Variants in ANLN observed in about 807,000 individuals in gnomAD.
ANLN encodes anillin, actin binding protein.
In ANLN, 59 loss-of-function variants were observed where a neutral mutation model predicts 135.1. The ratio of observed to expected loss-of-function variants is 0.44; its 90% CI spans 0.35 to 0.54. The LOEUF (loss-of-function observed/expected upper bound fraction) is 0.54, where lower values mean the gene tolerates loss of function less well. Among genes scored for constraint, ANLN ranks in the 20% least tolerant of loss-of-function variants. ANLN has a pLI of 0.00. For missense variants in ANLN, 1,182 were observed against 1,340.0 expected (o/e 0.88, Z 1.84); for synonymous variants, 406 against 456.4 (o/e 0.89, Z 1.41).
intron 2 of ANLN, 106 bp from the exon 3 acceptor site, chr7:36,398,973 G>C (rs1786819573): frequency 1.2e-6 from 1 of 850,092 alleles, no homozygotes; most frequent in African/African-American, 1.7e-5. Context: ...TCATTTAAAA[G>C]AATAGGGAGG....
In ANLN at chr7:36,399,280, G is replaced by A. The variant is rs780371833; in HGVS notation, c.374G>A (p.Gly125Asp). ...DSVAVPASLL[G>D]MRRGLNSRLE... ...GTTGCTGTCCCGGCATCACTGCTGG[G>A]CATGAGGAGAGGGCTGAACTCAAGA... The change falls in exon 3 of 24, where the codon GGC (glycine) becomes GAC (aspartate). Residue 125 changes from glycine (G) to aspartate (D), a missense_variant. Around this residue, in one of 3 missense-constraint regions of ANLN, gnomAD observed 1,022 missense variants for 1,134.0 expected, o/e 0.90. Transcript: ENST00000265748. 1.2e-6 allele frequency: 2 copies of A among 1,614,158 alleles called. No homozygotes were observed. Among genetic ancestry groups the A allele is most frequent in the South Asian group, 1.1e-5 (1 of 91,082 alleles).
chr7:36,423,552 A>G (rs997358948), intron 14 of ANLN, among the ~76,000 whole-genome samples: 4 of 152,164 alleles, frequency 2.6e-5, no homozygotes, highest in African/African-American at 9.7e-5. Context: ...TAAAATTCAA[A>G]ATCAGCAGAA....
At chr7:36,437,644 C>T (rs1477714358) in intron 20 of ANLN, among the ~76,000 whole-genome samples, 1 of 151,874 alleles carries the variant, frequency 6.6e-6, no homozygotes, top group African/African-American at 2.4e-5. Context: ...CTGGTGAAGT[C>T]TAATTTATCT....
chr7:36,396,545 G>C, intron 2 of ANLN, 126 bp downstream of exon 2: 1 of 857,968 alleles, frequency 1.2e-6, no homozygotes, highest in Non-Finnish European at 1.7e-6. Context: ...CAGCCTCTGG[G>C]GGAAATAACA....
chr7:36,440,621 G>T (rs756045062), intron 21 of ANLN, among the ~76,000 whole-genome samples: 19 of 152,152 alleles, frequency 1.2e-4, no homozygotes, highest in Non-Finnish European at 2.2e-4. Flanking sequence ...TAGATGGGTA[G>T]CTTCTAATAG....
intron 1 of ANLN, chr7:36,390,428 G>A (rs1786393400): frequency 3.9e-6 from 1 of 254,248 alleles, no homozygotes. Flanking sequence ...GTCCGGGGCC[G>A]GTGACTCAGT....
At position 36,415,759 on chromosome 7, in the gene ANLN, A is replaced by C. The variant is rs1787612214; in HGVS notation, c.1397A>C (p.Glu466Ala). The change falls in exon 8 of 24, where the codon GAA becomes GCA. Residue 466 changes from glutamate (E) to alanine (A), a missense_variant and splice_region_variant. By Grantham distance (107) the Glu-to-Ala change is moderately radical. Around this residue, in one of 3 missense-constraint regions of ANLN, gnomAD observed 1,022 missense variants for 1,134.0 expected, o/e 0.90. Transcript: ENST00000265748. ...TTACTTTTCATTCGCTTTTTGCAGG[A>C]AACTCACTGTCAGAGCACTCCCCTC... ...SKSKQLETKQ[E>A]THCQSTPLKK... The C allele has an allele frequency of 6.3e-7, 1 of 1,575,528 alleles. No homozygotes were observed. The highest frequency in any genetic ancestry group is 1.4e-5 in the African/African-American group (1 of 72,610).
intron 12 of ANLN, among the ~76,000 whole-genome samples, chr7:36,421,183 T>C (rs942459045): frequency 3.9e-5 from 6 of 151,954 alleles, no homozygotes; most frequent in African/African-American, 1.5e-4. Flanking sequence ...TTCTCCTGCC[T>C]CAGCCTCCCA....
intron 20 of ANLN, among the ~76,000 whole-genome samples, chr7:36,432,999 A>AG (rs1253180504): frequency 1.3e-5 from 2 of 152,094 alleles, no homozygotes; most frequent in Non-Finnish European, 2.9e-5. Context: ...TTCTTTTTTA[A>AG]GAGATGGGGT....
chr7:36,432,637 C>T (rs1053637567), intron 20 of ANLN, among the ~76,000 whole-genome samples: 2 of 152,164 alleles, frequency 1.3e-5, no homozygotes, highest in African/African-American at 4.8e-5. Context: ...TCGTAGTCTA[C>T]CATTTTGTTA....
chr7:36,444,096 C>A (rs1483573471), intron 22 of ANLN, among the ~76,000 whole-genome samples: 1 of 152,138 alleles, frequency 6.6e-6, no homozygotes, highest in African/African-American at 2.4e-5. Context: ...TCGAGACCAG[C>A]CTGGCCAACA....
intron 21 of ANLN, among the ~76,000 whole-genome samples, chr7:36,442,594 C>T (rs1788817784): frequency 6.6e-6 from 1 of 151,920 alleles, no homozygotes; most frequent in Admixed American, 6.6e-5. Flanking sequence ...CAGAAGTTCC[C>T]AGATGAATGT....
At chr7:36,442,710 T>A (rs899403123) in intron 21 of ANLN, among the ~76,000 whole-genome samples, 4 of 152,000 alleles carry the variant, frequency 2.6e-5, no homozygotes, top group Non-Finnish European at 2.9e-5. Flanking sequence ...TGGCTCACTG[T>A]AAGCTCCATC....
chr7:36,415,920 G>C, intron 8 of ANLN, 36 bp downstream of exon 8: 2 of 1,485,838 alleles, frequency 1.3e-6, no homozygotes, highest in Non-Finnish European at 1.8e-6. Flanking sequence ...TTAGTATGTA[G>C]AAACTCAAAT....
intron 1 of ANLN, among the ~76,000 whole-genome samples, chr7:36,395,447 C>T (rs1223145277): frequency 2.0e-5 from 3 of 152,170 alleles, no homozygotes; most frequent in African/African-American, 4.8e-5. Context: ...TGTTTTCCAT[C>T]ATAAGGACCT....
chr7:36,424,408 T>C, intron 15 of ANLN, 137 bp from the exon 16 acceptor site: 1 of 627,850 alleles, frequency 1.6e-6, no homozygotes, highest in Non-Finnish European at 2.5e-6. Context: ...AAAATAGACT[T>C]CTTAACAATT....
intron 3 of ANLN, among the ~76,000 whole-genome samples, chr7:36,404,852 T>C (rs888153961): frequency 6.6e-6 from 1 of 152,218 alleles, no homozygotes; most frequent in African/African-American, 2.4e-5. Context: ...GGACAAAGAT[T>C]CATATCCTGG....
intron 1 of ANLN, among the ~76,000 whole-genome samples, chr7:36,392,373 A>T (rs1786513511): frequency 6.6e-6 from 1 of 152,024 alleles, no homozygotes; most frequent in Non-Finnish European, 1.5e-5. Context: ...AGGCAAGGAA[A>T]TTAGTAAAAT....
chr7:36,410,094 G>A (rs1476006640), intron 5 of ANLN, among the ~76,000 whole-genome samples: 4 of 152,276 alleles, frequency 2.6e-5, no homozygotes, highest in African/African-American at 9.6e-5. Context: ...CTTCCTAAAA[G>A]CAGGGTAAAA....
Sources: allele counts gnomAD v4.1 joint callset (sites outside exome capture counted in the v4.1 genomes callset), GRCh38; gene constraint gnomAD v4.1.1; regional missense constraint gnomAD v4.1.1; transcripts MANE v1.5; gene names NCBI Gene and HGNC (gene_info 2026-07-23, HGNC 2026-07-21).